SMC1B: variants seen among roughly 807,000 people sequenced by gnomAD.
SMC1B encodes the protein structural maintenance of chromosomes protein 1B.
In SMC1B, 60 loss-of-function variants were observed where a neutral mutation model predicts 157.9. That is an observed-to-expected ratio of 0.38 (90% CI 0.31 to 0.47). The LOEUF (loss-of-function observed/expected upper bound fraction) is 0.47, where lower values mean the gene tolerates loss of function less well. Ranked by LOEUF, SMC1B falls within the 20% of genes least tolerant of loss-of-function variation. SMC1B has a pLI of 0.99. For synonymous variants in SMC1B, 445 were observed against 483.0 expected (o/e 0.92, Z 1.03); for missense variants, 1,165 against 1,426.2 (o/e 0.82, Z 2.95).
intron 16 of SMC1B, among the ~76,000 whole-genome samples, chr22:45,362,407 C>A (rs1256741657): frequency 6.6e-6 from 1 of 152,208 alleles, no homozygotes; most frequent in Non-Finnish European, 1.5e-5. Flanking sequence ...AAGTGACCAC[C>A]TTCCAGATCC....
rs370210187 is a variant in SMC1B at position 45,354,061 on chromosome 22, C to T, written c.3190G>A (p.Asp1064Asn). ...TGCTCAAAACACTGGGTGAAAAGATCGTATCTCCTTTTTTTCACTTGCTCG... is the reference window on the plus strand; with the variant it reads ...TGCTCAAAACACTGGGTGAAAAGATTGTATCTCCTTTTTTTCACTTGCTCG... Reference protein sequence around the residue: ...EFEQVKKRRYDLFTQCFEHVS... With the variant: ...EFEQVKKRRYNLFTQCFEHVS... Residue 1064 changes from aspartate to asparagine, a missense_variant, in exon 21 of 25, where the codon GAT becomes AAT. Transcript: ENST00000357450. The T allele has an allele frequency of 6.8e-5, 109 of 1,602,720 alleles. 3 individuals carry two copies. Among genetic ancestry groups the T allele is most frequent in the East Asian group, 5.6e-4 (25 of 44,424 alleles).
chr22:45,406,517 A>G lies in SMC1B; in HGVS notation c.558T>C (p.Phe186=). Reference sequence around the variant, plus strand: ...CTGCCGCTATATTTTTTTTCTTATTAAAGTTAAACTGTGCATCCTCTTCGG... The same window carrying G: ...CTGCCGCTATATTTTTTTTCTTATTGAAGTTAAACTGTGCATCCTCTTCGG... The part of the protein sequence containing the change: ...QKAEEDAQFN[F]NKKKNIAAER... Residue 186 remains phenylalanine (F), a synonymous_variant, in exon 4 of 25, where the codon TTT becomes TTC. Coordinates refer to ENST00000357450, the MANE Select transcript of SMC1B (RefSeq NM_148674.5). The G allele has an allele frequency of 6.2e-7, 1 of 1,612,308 alleles. No homozygotes were observed.
intron 17 of SMC1B, 137 bp downstream of exon 17, chr22:45,361,702 G>T: frequency 1.2e-6 from 1 of 818,674 alleles, no homozygotes; most frequent in Non-Finnish European, 2.0e-6. Flanking sequence ...AAATTACAAT[G>T]TTTGAAGGGT....
intron 4 of SMC1B, among the ~76,000 whole-genome samples, chr22:45,404,489 C>T (rs2087235012): frequency 6.6e-6 from 1 of 152,184 alleles, no homozygotes; most frequent in Admixed American, 6.5e-5. Flanking sequence ...GAGTCCCATA[C>T]CTTTTCAAGT....
intron 15 of SMC1B, among the ~76,000 whole-genome samples, chr22:45,365,714 T>C (rs753351837): frequency 6.6e-6 from 1 of 151,984 alleles, no homozygotes; most frequent in Non-Finnish European, 1.5e-5. Context: ...TTAATAAAGA[T>C]AAAATAAAAT....
Position 45,360,607 on chromosome 22 carries a change from GT to G in SMC1B, c.2709-650del, listed in dbSNP as rs147168580. ...GGAATAGGATCATTTAAGCCCAGAA[GT>G]TTGAGACCAGCATAATGAGACCTCA... On this transcript the variant is annotated intron_variant, in intron 17 of 24. Coordinates refer to ENST00000357450, the MANE Select transcript of SMC1B (RefSeq NM_148674.5). Among the ~76,000 whole-genome samples the G allele has an allele frequency of 8.4e-3, 1,269 of 151,640 alleles. 19 individuals carry two copies. The highest frequency in any genetic ancestry group is 0.029 in the African/African-American group (1,177 of 41,282).
rs1172282236 is a variant in SMC1B, at chr22:45,376,575, C to CA, written c.2059-4284dup. Among the ~76,000 whole-genome samples, 8 of 151,370 alleles carry CA rather than the reference C, an allele frequency of 5.3e-5. No individual in the cohort carries two copies. In the East Asian group the frequency reaches 1.6e-3, roughly 29 times the overall value. ...ACATATTCACAGGTTTCTGGGGTGA[C>CA]AAAAAAAAGAATTGCTGGATCATAT... On this transcript the variant is annotated intron_variant, in intron 12 of 24. Coordinates refer to ENST00000357450, the MANE Select transcript of SMC1B (RefSeq NM_148674.5).
intron 19 of SMC1B, among the ~76,000 whole-genome samples, chr22:45,358,160 C>A (rs1319907267): frequency 6.6e-6 from 1 of 152,188 alleles, no homozygotes; most frequent in African/African-American, 2.4e-5. Context: ...GGCATGGACC[C>A]TTTCTCATAC....
intron 23 of SMC1B, among the ~76,000 whole-genome samples, chr22:45,347,171 G>A (rs1182762935): frequency 1.3e-5 from 2 of 152,040 alleles, no homozygotes; most frequent in African/African-American, 4.8e-5. Context: ...CTGGCATTCA[G>A]GAGACAACTC....
chr22:45,407,494 C>T (rs550810974), intron 2 of SMC1B, among the ~76,000 whole-genome samples: 6 of 151,674 alleles, frequency 4.0e-5, no homozygotes, highest in Non-Finnish European at 7.4e-5. Flanking sequence ...CAGGGTCTTG[C>T]TCTGTTGACC....
intron 12 of SMC1B, among the ~76,000 whole-genome samples, chr22:45,373,294 T>C (rs1425479706): frequency 6.6e-6 from 1 of 152,224 alleles, no homozygotes; most frequent in East Asian, 1.9e-4. Flanking sequence ...TCTAAATTGA[T>C]TGAGACCTGT....
chr22:45,380,473 T>C (rs531348237), intron 12 of SMC1B, among the ~76,000 whole-genome samples: 2 of 152,322 alleles, frequency 1.3e-5, no homozygotes, highest in African/African-American at 4.8e-5. Context: ...CCTGAGTCTA[T>C]CTACTAAGTC....
chr22:45,398,984 T>C, intron 6 of SMC1B, 111 bp downstream of exon 6: 1 of 1,070,332 alleles, frequency 9.3e-7, no homozygotes. Flanking sequence ...ACAATTTACA[T>C]TGAGGATAAT....
intron 16 of SMC1B, 116 bp from the exon 17 acceptor site, chr22:45,362,100 G>T: frequency 9.2e-7 from 1 of 1,082,608 alleles, no homozygotes; most frequent in Non-Finnish European, 1.3e-6. Context: ...CTCACCCTAT[G>T]TGCTACCTGA....
rs114677156 is a variant in SMC1B, at chr22:45,402,225, A to G, written c.854+108T>C. 2.5e-4 allele frequency: 205 copies of G among 826,762 alleles called. No homozygotes were observed. The African/African-American group carries it at 2.9e-3, about 12-fold the overall frequency. 51.2% of individuals were successfully genotyped at this position (826,762 alleles called of 1,614,324 possible). ...TTTTCTGTATATCTAAAAGTATTCC[A>G]AAGTAAAAAGCTTATTTTTAAAATC... On this transcript the variant is annotated intron_variant, in intron 5 of 24. Coordinates refer to ENST00000357450, the MANE Select transcript of SMC1B (RefSeq NM_148674.5).
At chr22:45,368,286 A>G (rs1209994135) in intron 15 of SMC1B, among the ~76,000 whole-genome samples, 1 of 152,032 alleles carries the variant, frequency 6.6e-6, no homozygotes, top group African/African-American at 2.4e-5. Context: ...TAAACAATAG[A>G]TTTCCTGATA....
intron 12 of SMC1B, among the ~76,000 whole-genome samples, chr22:45,376,089 T>C (rs1393016084): frequency 6.6e-6 from 1 of 152,196 alleles, no homozygotes; most frequent in Non-Finnish European, 1.5e-5. Context: ...TAGTCAAGCA[T>C]AGTCGTGAGA....
At chr22:45,405,506 C>T (rs1344297040) in intron 4 of SMC1B, among the ~76,000 whole-genome samples, 1 of 151,506 alleles carries the variant, frequency 6.6e-6, no homozygotes, top group African/African-American at 2.4e-5. Flanking sequence ...GAGCCAAGAT[C>T]ATGCCACTGC....
intron 15 of SMC1B, among the ~76,000 whole-genome samples, chr22:45,364,797 T>C (rs1365469817): frequency 2.6e-5 from 4 of 151,200 alleles, no homozygotes; most frequent in African/African-American, 9.7e-5. Context: ...CTCTTCGACT[T>C]GCTAACATCT....
Sources: allele counts gnomAD v4.1 joint callset (sites outside exome capture counted in the v4.1 genomes callset), GRCh38; gene constraint gnomAD v4.1.1; transcripts MANE v1.5; gene names NCBI Gene and HGNC (gene_info 2026-07-23, HGNC 2026-07-21).